The following RBFOX1 variants were observed in gnomAD, a reference collection of about 807,000 sequenced individuals.
The protein encoded by RBFOX1 is RNA binding protein fox-1 homolog 1.
A neutral mutation model predicts 57.7 loss-of-function variants in RBFOX1; 8 were observed. The ratio of observed to expected loss-of-function variants is 0.14; its 90% CI spans 0.08 to 0.25. RBFOX1 has a LOEUF of 0.25. Among genes scored for constraint, RBFOX1 ranks in the 10% least tolerant of loss-of-function variants. The pLI is 1.00. For missense variants in RBFOX1, 611 were observed against 548.5 expected, an observed-to-expected ratio of 1.11 and a Z score of -1.14; for synonymous variants, 326 against 222.4, an observed-to-expected ratio of 1.47 and a Z score of -4.15.
chr16:6,259,046 A>G (rs1408906452), intron 1 of RBFOX1, among the ~76,000 whole-genome samples: 1 of 152,188 alleles, frequency 6.6e-6, no homozygotes, highest in African/African-American at 2.4e-5. Flanking sequence ...CAAAATTGTT[A>G]TTTGCTTCTG....
At chr16:6,916,699 T>C (rs113460259) in intron 3 of RBFOX1, among the ~76,000 whole-genome samples, 3 of 152,260 alleles carry the variant, frequency 2.0e-5, no homozygotes, top group African/African-American at 4.8e-5. Flanking sequence ...GCCGCAGTTA[T>C]GCCCATTCCT....
chr16:7,130,932 C>T (rs1483896731), intron 4 of RBFOX1, among the ~76,000 whole-genome samples: 1 of 152,158 alleles, frequency 6.6e-6, no homozygotes, highest in Non-Finnish European at 1.5e-5. Flanking sequence ...TATCATCAGT[C>T]CTGGATAGAG....
At chr16:6,273,714 CA>C (rs1567825519) in intron 1 of RBFOX1, among the ~76,000 whole-genome samples, 1 of 151,962 alleles carries the variant, frequency 6.6e-6, no homozygotes, top group South Asian at 2.1e-4. Flanking sequence ...TGGACTTCAT[CA>C]AAAAAATTTT....
intron 3 of RBFOX1, among the ~76,000 whole-genome samples, chr16:5,662,061 C>T (rs1255108217): frequency 1.3e-5 from 2 of 152,114 alleles, no homozygotes; most frequent in Non-Finnish European, 2.9e-5. Context: ...GCTGGGATTA[C>T]AGGCATGAGC....
chr16:7,080,992 C>T (rs1393917755), intron 4 of RBFOX1, among the ~76,000 whole-genome samples: 1 of 152,166 alleles, frequency 6.6e-6, no homozygotes, highest in Non-Finnish European at 1.5e-5. Context: ...TACCTCACTT[C>T]CCCTCCTCAG....
chr16:6,657,303 A>C (rs555281913), intron 3 of RBFOX1, among the ~76,000 whole-genome samples: 1 of 151,856 alleles, frequency 6.6e-6, no homozygotes, highest in African/African-American at 2.4e-5. Flanking sequence ...GTTTCTAACA[A>C]TTGTTAAGAA....
chr16:6,353,174 C>G (rs2086693692), intron 2 of RBFOX1, among the ~76,000 whole-genome samples: 1 of 152,118 alleles, frequency 6.6e-6, no homozygotes, highest in Non-Finnish European at 1.5e-5. Flanking sequence ...TTCTCCCCAT[C>G]TTTCCCAAAG....
chr16:5,485,238 C>T (rs933689096), intron 2 of RBFOX1, among the ~76,000 whole-genome samples: 10 of 145,224 alleles, frequency 6.9e-5, no homozygotes, highest in African/African-American at 1.0e-4. Context: ...CCCAGCTACT[C>T]GGGAGGCTGA....
chr16:6,492,578 T>A (rs2095657663), intron 2 of RBFOX1, among the ~76,000 whole-genome samples: 1 of 146,598 alleles, frequency 6.8e-6, no homozygotes, highest in South Asian at 2.1e-4. Flanking sequence ...CAAAAATAAA[T>A]AAATAAAAAT....
chr16:6,016,318 A>G (rs1227258560), upstream of RBFOX1, among the ~76,000 whole-genome samples: 1 of 152,100 alleles, frequency 6.6e-6, no homozygotes, highest in Non-Finnish European at 1.5e-5. Context: ...TGAAATGGAG[A>G]TCTAAAAACT....
intron 1 of RBFOX1, among the ~76,000 whole-genome samples, chr16:6,025,022 T>C (rs1426262929): frequency 1.3e-5 from 2 of 152,248 alleles, no homozygotes; most frequent in Non-Finnish European, 2.9e-5. Context: ...GTTGGTCCTA[T>C]AGGCCCTTGT....
At chr16:6,119,306 A>G (rs1994358) in intron 1 of RBFOX1, among the ~76,000 whole-genome samples, 61,468 of 151,990 alleles carry the variant, frequency 0.4, 12,927 homozygotes, top group Non-Finnish European at 0.46. Flanking sequence ...CCTGAGTAGA[A>G]TGAATTTATG....
At chr16:7,363,227 G>T (rs2097364412) in intron 4 of RBFOX1, among the ~76,000 whole-genome samples, 1 of 152,106 alleles carries the variant, frequency 6.6e-6, no homozygotes, top group South Asian at 2.1e-4. Flanking sequence ...CTGGGGTCTG[G>T]GTTCTTTGTC....
chr16:6,410,718 A>G (rs1410071982), intron 2 of RBFOX1, among the ~76,000 whole-genome samples: 2 of 152,160 alleles, frequency 1.3e-5, no homozygotes, highest in Admixed American at 1.3e-4. Flanking sequence ...TGTCTATCCA[A>G]GAGGAATTTG....
intron 1 of RBFOX1, among the ~76,000 whole-genome samples, chr16:5,336,885 G>T (rs757843935): frequency 1.3e-5 from 2 of 152,148 alleles, no homozygotes; most frequent in Non-Finnish European, 2.9e-5. Context: ...TGATGGATTT[G>T]TATGTTCGTC....
chr16:6,559,638 AC>A (rs1201420998), intron 2 of RBFOX1, among the ~76,000 whole-genome samples: 1 of 152,120 alleles, frequency 6.6e-6, no homozygotes, highest in African/African-American at 2.4e-5. Flanking sequence ...ATACACACAC[AC>A]ATATATGTGA....
At chr16:7,246,633 C>CTTTTTTTTTTTTTTT (rs56654382) in intron 4 of RBFOX1, among the ~76,000 whole-genome samples, 151 of 105,454 alleles carry the variant, frequency 1.4e-3, no homozygotes, top group African/African-American at 6.2e-3. Flanking sequence ...TGGTCACCTC[C>CTTTTTTTTTTTTTTT]TTTTTTTTTT....
At chr16:7,304,343 T>C in intron 4 of RBFOX1, 1 of 984,980 alleles carries the variant, frequency 1.0e-6, no homozygotes, top group Non-Finnish European at 1.2e-6. Context: ...CGTGATTGCA[T>C]TCAAGCGTCC....
At chr16:6,086,117 C>T (rs542766463) in intron 1 of RBFOX1, among the ~76,000 whole-genome samples, 2 of 152,210 alleles carry the variant, frequency 1.3e-5, no homozygotes, top group East Asian at 1.9e-4. Flanking sequence ...GACGGTGGCT[C>T]CCAGCTTCAT....
Sources: gnomAD v4.1 joint callset for allele counts (sites outside exome capture counted in the v4.1 genomes callset) on GRCh38, gnomAD v4.1.1 for gene constraint, MANE v1.5 for transcripts, NCBI Gene and HGNC (gene_info 2026-07-23, HGNC 2026-07-21) for gene names.